SUCLG2: variants seen among roughly 807,000 people sequenced by gnomAD.
The protein encoded by SUCLG2 is succinate-CoA ligase GDP-forming subunit beta.
In SUCLG2, 42 loss-of-function variants were observed where a neutral mutation model predicts 47.9. The observed-to-expected ratio is 0.88, with a 90% confidence interval of 0.69 to 1.14. The LOEUF is 1.14. SUCLG2 is among the 50% of genes most tolerant of loss of function. SUCLG2 has a pLI of 0.00. For missense variants in SUCLG2, 571 were observed against 525.9 expected (o/e 1.09, Z -0.84); for synonymous variants, 195 against 197.3 (o/e 0.99, Z 0.10).
chr3:67,562,842 G>A (rs1430536580), intron 2 of SUCLG2, among the ~76,000 whole-genome samples: 1 of 152,036 alleles, frequency 6.6e-6, no homozygotes, highest in Admixed American at 6.5e-5. Flanking sequence ...ACTGCTATTA[G>A]TATTATCCTT....
chr3:67,585,717 C>T (rs1247179227), intron 2 of SUCLG2, among the ~76,000 whole-genome samples: 2 of 151,966 alleles, frequency 1.3e-5, no homozygotes, highest in Non-Finnish European at 2.9e-5. Flanking sequence ...AATCCCAGAA[C>T]TTTGGGAGGC....
chr3:67,495,651 CAA>C (rs57812170), intron 9 of SUCLG2, 145 bp downstream of exon 9: 7,585 of 642,660 alleles, frequency 0.012, no homozygotes, highest in South Asian at 0.02. Context: ...GACTCCGTCT[CAA>C]AAAAAAAAAA....
At chr3:67,483,452 A>C (rs999279266) in intron 9 of SUCLG2, among the ~76,000 whole-genome samples, 3 of 152,192 alleles carry the variant, frequency 2.0e-5, no homozygotes, top group African/African-American at 7.2e-5. Flanking sequence ...AATCTATCAG[A>C]AATAACAAAC....
chr3:67,487,454 T>A, intron 9 of SUCLG2, among the ~76,000 whole-genome samples: 1 of 151,288 alleles, frequency 6.6e-6, no homozygotes, highest in Middle Eastern at 3.4e-3. Flanking sequence ...ACATGACTGA[T>A]GACATAAATA....
chr3:67,594,126 C>T (rs374059155), intron 2 of SUCLG2, among the ~76,000 whole-genome samples: 27 of 152,294 alleles, frequency 1.8e-4, no homozygotes, highest in East Asian at 1.2e-3. Context: ...CCAGAGAGGG[C>T]CACCTCAACC....
At chr3:67,522,442 G>A (rs886654460) in intron 4 of SUCLG2, among the ~76,000 whole-genome samples, 1 of 151,936 alleles carries the variant, frequency 6.6e-6, no homozygotes, top group African/African-American at 2.4e-5. Flanking sequence ...TAGTATCCCT[G>A]TAGATAAGTA....
chr3:67,547,964 C>T (rs910923142), intron 2 of SUCLG2, among the ~76,000 whole-genome samples: 3 of 152,154 alleles, frequency 2.0e-5, no homozygotes, highest in Non-Finnish European at 4.4e-5. Flanking sequence ...AAAACAAAAT[C>T]GCCTCATTCT....
chr3:67,532,547 G>C (rs1406955222), intron 2 of SUCLG2, among the ~76,000 whole-genome samples: 1 of 152,180 alleles, frequency 6.6e-6, no homozygotes, highest in Non-Finnish European at 1.5e-5. Flanking sequence ...TTTATACGCA[G>C]TAGCCTAAGT....
chr3:67,478,353 G>A (rs1347880264), intron 9 of SUCLG2, among the ~76,000 whole-genome samples: 2 of 152,208 alleles, frequency 1.3e-5, no homozygotes, highest in Non-Finnish European at 2.9e-5. Context: ...AAGAGATTCT[G>A]ATCAACTTGC....
At chr3:67,571,616 T>C (rs982036449) in intron 2 of SUCLG2, among the ~76,000 whole-genome samples, 2 of 152,186 alleles carry the variant, frequency 1.3e-5, no homozygotes, top group Non-Finnish European at 2.9e-5. Context: ...TAAGACCATA[T>C]ATTAGAACAA....
At position 67,552,172 on chromosome 3, in the gene SUCLG2, C is replaced by CAA. The variant is rs55687048; in HGVS notation, c.227-22988_227-22987dup. Among the ~76,000 whole-genome samples, 35 of 75,448 alleles carry CAA rather than the reference C, an allele frequency of 4.6e-4. 1 individual carries two copies. Among genetic ancestry groups the CAA allele is most frequent in the Non-Finnish European group, 8.7e-4 (27 of 31,054 alleles). 49.5% of individuals were successfully genotyped at this position (75,448 alleles called of 152,430 possible). On this transcript the variant is annotated intron_variant, in intron 2 of 10. Coordinates refer to ENST00000307227, the MANE Select transcript of SUCLG2 (RefSeq NM_003848.4). Reference sequence around the variant, plus strand: ...TGGGCAACAGAGCAAAACTCCATCTCAAAAAAAAAAAAAAAAAAAAGAAAA... The same window carrying CAA: ...TGGGCAACAGAGCAAAACTCCATCTCAAAAAAAAAAAAAAAAAAAAAAGAAAA...
downstream of SUCLG2, among the ~76,000 whole-genome samples, chr3:67,373,264 A>ATT (rs57090152): frequency 1.5e-3 from 227 of 150,644 alleles, 1 homozygote; most frequent in Middle Eastern, 6.9e-3. Context: ...TCTTAATGAC[A>ATT]TTTTTTTTTT....
intron 9 of SUCLG2, among the ~76,000 whole-genome samples, chr3:67,466,541 T>C (rs545511435): frequency 1.3e-5 from 2 of 152,330 alleles, no homozygotes; most frequent in East Asian, 3.9e-4. Context: ...GTGTATCCCC[T>C]GTCTTGTGAG....
chr3:67,571,088 T>C (rs936207597), intron 2 of SUCLG2, among the ~76,000 whole-genome samples: 8 of 152,190 alleles, frequency 5.3e-5, no homozygotes, highest in Admixed American at 4.6e-4. Context: ...TTAATCATAA[T>C]TTCCTTCCTT....
intron 1 of SUCLG2, among the ~76,000 whole-genome samples, chr3:67,632,415 T>C (rs1700943500): frequency 6.6e-6 from 1 of 152,126 alleles, no homozygotes; most frequent in Non-Finnish European, 1.5e-5. Flanking sequence ...ATGGGTGACC[T>C]CGAGTGATCT....
chr3:67,373,877 A>T (rs1197474433), downstream of SUCLG2, among the ~76,000 whole-genome samples: 1 of 152,202 alleles, frequency 6.6e-6, no homozygotes, highest in Admixed American at 6.5e-5. Context: ...AATTAGAGAC[A>T]AGCTACGCTA....
chr3:67,631,315 G>GT (rs1700921318), intron 1 of SUCLG2, among the ~76,000 whole-genome samples: 1 of 152,116 alleles, frequency 6.6e-6, no homozygotes, highest in African/African-American at 2.4e-5. Flanking sequence ...AGCAGGGAAT[G>GT]TAAGGCCCAG....
intron 2 of SUCLG2, among the ~76,000 whole-genome samples, chr3:67,580,395 T>C (rs1707851285): frequency 6.6e-6 from 1 of 152,204 alleles, no homozygotes; most frequent in Non-Finnish European, 1.5e-5. Context: ...ATTTTACCTG[T>C]TCTTCTTCAT....
At chr3:67,645,867 T>C (rs2167181) in intron 1 of SUCLG2, among the ~76,000 whole-genome samples, 44,512 of 150,536 alleles carry the variant, frequency 0.3, 7,124 homozygotes, top group Non-Finnish European at 0.36. Context: ...TGGTATAGCA[T>C]AGCATCTCAA....
Sources: allele counts gnomAD v4.1 joint callset (sites outside exome capture counted in the v4.1 genomes callset), GRCh38; gene constraint gnomAD v4.1.1; transcripts MANE v1.5; gene names NCBI Gene and HGNC (gene_info 2026-07-23, HGNC 2026-07-21).